CTNNA3: variants seen among roughly 807,000 people sequenced by gnomAD.
The protein encoded by CTNNA3 is catenin alpha-3.
A neutral mutation model predicts 95.7 loss-of-function variants in CTNNA3; 76 were observed. The ratio of observed to expected loss-of-function variants is 0.79; its 90% CI spans 0.66 to 0.96. The LOEUF (loss-of-function observed/expected upper bound fraction) is 0.96, where lower values mean the gene tolerates loss of function less well. Ranked by LOEUF, CTNNA3 falls within the 40% of genes least tolerant of loss-of-function variation. The probability of loss-of-function intolerance (pLI) is 0.00; values close to 1 mark genes in which losing one functional copy is unlikely to be tolerated. For missense variants in CTNNA3, 1,191 were observed against 1,089.8 expected (o/e 1.09, Z -1.31); for synonymous variants, 431 against 374.4 (o/e 1.15, Z -1.74).
intron 10 of CTNNA3, among the ~76,000 whole-genome samples, chr10:66,536,430 C>T (rs1471522984): frequency 1.4e-5 from 2 of 142,958 alleles, no homozygotes; most frequent in African/African-American, 2.6e-5. Context: ...TGCAATGAGC[C>T]GAGATCACGC....
chr10:67,003,182 G>C (rs1404957200), intron 7 of CTNNA3, among the ~76,000 whole-genome samples: 2 of 152,140 alleles, frequency 1.3e-5, no homozygotes, highest in Non-Finnish European at 2.9e-5. Flanking sequence ...TGCTGAATCA[G>C]ACTGCCCCAA....
chr10:67,244,756 C>T (rs748294244), intron 5 of CTNNA3, among the ~76,000 whole-genome samples: 3 of 152,276 alleles, frequency 2.0e-5, no homozygotes, highest in Middle Eastern at 3.4e-3. Context: ...AAATGTACCA[C>T]GTAAAAGCTA....
At chr10:67,618,238 A>G (rs1168333538) in intron 2 of CTNNA3, among the ~76,000 whole-genome samples, 3 of 152,218 alleles carry the variant, frequency 2.0e-5, no homozygotes, top group African/African-American at 7.2e-5. Flanking sequence ...CAATCATACC[A>G]AAGAAGACTC....
At chr10:66,349,998 G>A (rs1023294963) in intron 12 of CTNNA3, among the ~76,000 whole-genome samples, 1 of 152,014 alleles carries the variant, frequency 6.6e-6, no homozygotes, top group African/African-American at 2.4e-5. Context: ...CTCTTCAACT[G>A]CACAGGAATC....
intron 7 of CTNNA3, among the ~76,000 whole-genome samples, chr10:66,866,809 C>T (rs564361688): frequency 5.9e-5 from 9 of 152,234 alleles, no homozygotes; most frequent in East Asian, 1.9e-4. Flanking sequence ...AGCTGATAGA[C>T]AGAAAACTAA....
At chr10:67,596,063 A>G (rs10823074) in intron 3 of CTNNA3, among the ~76,000 whole-genome samples, 34,651 of 152,026 alleles carry the variant, frequency 0.23, 7,292 homozygotes, top group African/African-American at 0.56. Context: ...ATGCAGTTGG[A>G]TCTTGCTTCT....
chr10:66,306,185 C>A (rs1232481127), intron 12 of CTNNA3, among the ~76,000 whole-genome samples: 1 of 152,156 alleles, frequency 6.6e-6, no homozygotes, highest in Non-Finnish European at 1.5e-5. Context: ...CATGTGGAAG[C>A]ACAGATAGTG....
chr10:66,920,729 G>A (rs1846746505), intron 7 of CTNNA3, among the ~76,000 whole-genome samples: 1 of 152,158 alleles, frequency 6.6e-6, no homozygotes, highest in African/African-American at 2.4e-5. Context: ...TCTTGGTCTT[G>A]CTCACAAAAT....
intron 10 of CTNNA3, among the ~76,000 whole-genome samples, chr10:66,554,210 T>G (rs948937962): frequency 2.0e-5 from 3 of 152,204 alleles, no homozygotes; most frequent in Non-Finnish European, 2.9e-5. Context: ...GAATATATTA[T>G]AAAACATAGT....
At chr10:65,995,447 T>A (rs2078636081) in intron 15 of CTNNA3, among the ~76,000 whole-genome samples, 1 of 152,170 alleles carries the variant, frequency 6.6e-6, no homozygotes, top group South Asian at 2.1e-4. Context: ...ATTTCCTCTG[T>A]CAATTAGGCT....
intron 13 of CTNNA3, among the ~76,000 whole-genome samples, chr10:66,125,629 C>A (rs1432768556): frequency 1.3e-5 from 2 of 152,100 alleles, no homozygotes; most frequent in Non-Finnish European, 2.9e-5. Flanking sequence ...ATTTAAAAGA[C>A]AGAGATGTTC....
At chr10:66,120,084 G>A (rs2082514000) in intron 13 of CTNNA3, among the ~76,000 whole-genome samples, 1 of 152,170 alleles carries the variant, frequency 6.6e-6, no homozygotes, top group African/African-American at 2.4e-5. Flanking sequence ...AGAGCACACA[G>A]TAGGTTCTCA....
intron 6 of CTNNA3, among the ~76,000 whole-genome samples, chr10:67,184,568 G>A (rs887145389): frequency 5.3e-5 from 8 of 152,160 alleles, no homozygotes; most frequent in African/African-American, 1.9e-4. Context: ...TATTGTTTGT[G>A]CTGTTAATTG....
In CTNNA3 at chr10:67,204,985, G is replaced by A. The variant is rs149019620; in HGVS notation, c.843+14622C>T. ...TGATGTTATCTGCAGGAGTAATTGC[G>A]GGAGTTGCAAATCTTGTGACCTCCA... On this transcript the variant is annotated intron_variant, in intron 6 of 17. Transcript: ENST00000433211. 1.6e-4 allele frequency among the ~76,000 whole-genome samples: 24 copies of A among 152,242 alleles called. No individual in the cohort carries two copies. The East Asian group carries it at 3.9e-3, about 25-fold the overall frequency.
rs917812175 is a variant in CTNNA3, at chr10:66,618,748, G to C, written c.1374+2944C>G. 2.7e-3 allele frequency among the ~76,000 whole-genome samples: 409 copies of C among 152,070 alleles called. 2 individuals carry two copies. Among genetic ancestry groups the C allele is most frequent in the African/African-American group, 9.5e-3 (394 of 41,478 alleles). ...ACTAAAGAGCTTCTGCACAGCAAAA[G>C]AAACTACCATCAGAGTGAACAGGCA... On this transcript the variant is annotated intron_variant, in intron 10 of 17. Transcript: ENST00000433211.
chr10:66,346,810 A>C (rs922409743), intron 12 of CTNNA3, among the ~76,000 whole-genome samples: 5 of 152,036 alleles, frequency 3.3e-5, no homozygotes, highest in African/African-American at 4.8e-5. Context: ...GACTCATTGA[A>C]GGTGTTAGGT....
At chr10:67,151,741 C>T (rs1344252524) in intron 7 of CTNNA3, among the ~76,000 whole-genome samples, 1 of 152,150 alleles carries the variant, frequency 6.6e-6, no homozygotes, top group East Asian at 1.9e-4. Flanking sequence ...GAGCAGCATC[C>T]ATATGTACAA....
chr10:66,447,563 A>C (rs2093432008), intron 11 of CTNNA3, among the ~76,000 whole-genome samples: 3 of 152,046 alleles, frequency 2.0e-5, no homozygotes, highest in Admixed American at 1.3e-4. Flanking sequence ...TGAAAAAAAC[A>C]AGCAATGGGG....
At chr10:66,693,552 C>T (rs76725182) in intron 9 of CTNNA3, among the ~76,000 whole-genome samples, 25,615 of 149,636 alleles carry the variant, frequency 0.17, 2,783 homozygotes, top group East Asian at 0.32. Context: ...GACAGATCAA[C>T]GAGACAGAAA....
Sources: gnomAD v4.1 joint callset for allele counts (sites outside exome capture counted in the v4.1 genomes callset) on GRCh38, gnomAD v4.1.1 for gene constraint, MANE v1.5 for transcripts, NCBI Gene and HGNC (gene_info 2026-07-23, HGNC 2026-07-21) for gene names.